Variants in CACUL1 observed in about 807,000 individuals in gnomAD.
CACUL1 encodes the protein CDK2-associated and cullin domain-containing protein 1.
CACUL1 carries 13 observed loss-of-function variants against 45.2 expected under a neutral mutation model. That is an observed-to-expected ratio of 0.29 (90% CI 0.19 to 0.46). The LOEUF is 0.46. Among genes scored for constraint, CACUL1 ranks in the 20% least tolerant of loss-of-function variants. The pLI, the probability that CACUL1 is intolerant of heterozygous loss-of-function variation, is 1.00. For synonymous variants in CACUL1, 197 were observed against 174.2 expected, an observed-to-expected ratio of 1.13 and a Z score of -1.03; for missense variants, 421 against 471.4, an observed-to-expected ratio of 0.89 and a Z score of 0.99.
At position 118,754,860 on chromosome 10, in the gene CACUL1, G is replaced by A. The variant is rs1371147637; in HGVS notation, c.-98C>T. ...GCTGCCTCCCCGAGTTACATCGCCG[G>A]CGGCAGGAATGGGCGCAGCGGAGAG... On this transcript the variant is annotated 5_prime_UTR_variant, in exon 1 of 9. Coordinates refer to ENST00000369151, the MANE Select transcript of CACUL1 (RefSeq NM_153810.5). 1 of 1,464,308 alleles carries A rather than the reference G, an allele frequency of 6.8e-7. No individual in the cohort carries two copies. The highest frequency in any genetic ancestry group is 2.5e-5 in the East Asian group (1 of 39,530). 90.7% of individuals were successfully genotyped at this position (1,464,308 alleles called of 1,614,324 possible). A position where few individuals can be genotyped will look rare whatever the true frequency, so the allele number is the denominator to read the frequency against.
intron 4 of CACUL1, among the ~76,000 whole-genome samples, chr10:118,705,056 A>C (rs1313840072): frequency 6.6e-6 from 1 of 152,258 alleles, no homozygotes; most frequent in Non-Finnish European, 1.5e-5. Flanking sequence ...GAATTCTGAT[A>C]GTTGAAATTC....
rs147531011 is a variant in CACUL1 at position 118,729,693 on chromosome 10, TA to T, written c.495-297del. Reference sequence around the variant, plus strand: ...AAGGTCTGAATATGATAACTATTTATAAACCAGGTTCTCTCTCTCTTTTTAA... The same window carrying T: ...AAGGTCTGAATATGATAACTATTTATAACCAGGTTCTCTCTCTCTTTTTAA... On this transcript the variant is annotated intron_variant, in intron 2 of 8. Transcript: ENST00000369151. 5.8e-3 allele frequency among the ~76,000 whole-genome samples: 880 copies of T among 152,326 alleles called. 11 individuals carry two copies. Among genetic ancestry groups the T allele is most frequent in the African/African-American group, 0.019 (793 of 41,562 alleles).
At chr10:118,727,381 G>C (rs895076345) in intron 3 of CACUL1, among the ~76,000 whole-genome samples, 11 of 136,854 alleles carry the variant, frequency 8.0e-5, no homozygotes, top group African/African-American at 3.1e-4. Flanking sequence ...GAGACAGAGC[G>C]AGACCCCCAT....
rs1845204595 is a variant in CACUL1, at chr10:118,686,248, C to G, written c.1070-80G>C. 3 of 1,174,668 alleles carry G rather than the reference C, an allele frequency of 2.6e-6. No individual in the cohort carries two copies. In the East Asian group the frequency reaches 7.0e-5, roughly 27 times the overall value. 72.8% of individuals were successfully genotyped at this position (1,174,668 alleles called of 1,614,324 possible). On this transcript the variant is annotated intron_variant, in intron 8 of 8. Transcript: ENST00000369151. ...AGCAGGAATCTGTTTATTCAACACA[C>G]ATTTCTCACTCCTCTCCCAACTCCC... is the stretch of plus-strand genomic sequence containing the variant.
intron 1 of CACUL1, among the ~76,000 whole-genome samples, chr10:118,747,434 T>C (rs1468721745): frequency 6.6e-6 from 1 of 151,856 alleles, no homozygotes; most frequent in African/African-American, 2.4e-5. Context: ...CACCAAACCT[T>C]GTACATGGTT....
At chr10:118,693,831 CACAG>C (rs1407343632) in intron 6 of CACUL1, 4 of 436,498 alleles carry the variant, frequency 9.2e-6, no homozygotes, top group African/African-American at 2.1e-5. Context: ...TGTTAAAAGT[CACAG>C]AAAGTAAAGC....
chr10:118,729,782 C>T (rs369660916), intron 2 of CACUL1, among the ~76,000 whole-genome samples: 66 of 152,282 alleles, frequency 4.3e-4, no homozygotes, highest in African/African-American at 1.3e-3. Flanking sequence ...TTCTAACTCA[C>T]GGAAGTGTTT....
chr10:118,719,252 G>T (rs1845578579), intron 3 of CACUL1, among the ~76,000 whole-genome samples: 1 of 152,070 alleles, frequency 6.6e-6, no homozygotes, highest in African/African-American at 2.4e-5. Context: ...TACAACGTTG[G>T]CATTTTTGTA....
At chr10:118,705,364 C>G (rs1845423399) in intron 4 of CACUL1, among the ~76,000 whole-genome samples, 1 of 152,122 alleles carries the variant, frequency 6.6e-6, no homozygotes, top group Non-Finnish European at 1.5e-5. Context: ...AACTGTTTAA[C>G]TCCCAAAATA....
chr10:118,739,390 T>TA lies in CACUL1; in HGVS notation c.368-8981dup, dbSNP rs570484093. On this transcript the variant is annotated intron_variant, in intron 1 of 8. Transcript: ENST00000369151. ...GGAGAGAAATATTAACACATTAATA[T>TA]AAAAAAAAGAACTAAGAAATTTTCT... Among the ~76,000 whole-genome samples the TA allele has an allele frequency of 4.1e-3, 616 of 151,738 alleles. 7 individuals carry two copies. The highest frequency in any genetic ancestry group is 0.014 in the African/African-American group (595 of 41,376).
At chr10:118,712,865 C>A (rs1302296525) in intron 3 of CACUL1, among the ~76,000 whole-genome samples, 1 of 152,202 alleles carries the variant, frequency 6.6e-6, no homozygotes, top group Non-Finnish European at 1.5e-5. Flanking sequence ...CAGCCACAGG[C>A]AAGCTGGAAA....
intron 1 of CACUL1, among the ~76,000 whole-genome samples, chr10:118,748,099 GAGAC>G (rs1845861866): frequency 1.3e-5 from 2 of 152,138 alleles, no homozygotes; most frequent in Admixed American, 6.5e-5. Context: ...AAAAAAGAGA[GAGAC>G]AGAGAAACAT....
intron 1 of CACUL1, among the ~76,000 whole-genome samples, chr10:118,736,944 A>G (rs990970488): frequency 6.6e-6 from 1 of 152,194 alleles, no homozygotes; most frequent in Non-Finnish European, 1.5e-5. Flanking sequence ...CCTAAAAGCA[A>G]TAGGCTATAT....
chr10:118,739,076 T>G (rs1845767701), intron 1 of CACUL1, among the ~76,000 whole-genome samples: 1 of 151,348 alleles, frequency 6.6e-6, no homozygotes. Flanking sequence ...GGCACCTGTA[T>G]TCCCAGCTAC....
intron 1 of CACUL1, among the ~76,000 whole-genome samples, chr10:118,731,618 C>T (rs549252287): frequency 1.3e-5 from 2 of 152,186 alleles, no homozygotes; most frequent in South Asian, 4.2e-4. Flanking sequence ...TTCTAAGAGT[C>T]CCATTTACAT....
chr10:118,688,799 C>T (rs751784822), intron 7 of CACUL1, among the ~76,000 whole-genome samples: 12 of 152,130 alleles, frequency 7.9e-5, no homozygotes, highest in Non-Finnish European at 1.6e-4. Context: ...GTGTTAATTC[C>T]AGCCTACCCT....
At chr10:118,730,665 A>C (rs1845690137) in intron 1 of CACUL1, among the ~76,000 whole-genome samples, 1 of 152,262 alleles carries the variant, frequency 6.6e-6, no homozygotes, top group East Asian at 1.9e-4. Flanking sequence ...CAAACAAGCA[A>C]TCATCACTGG....
At chr10:118,746,804 G>A (rs1845847141) in intron 1 of CACUL1, among the ~76,000 whole-genome samples, 1 of 152,172 alleles carries the variant, frequency 6.6e-6, no homozygotes, top group Non-Finnish European at 1.5e-5. Context: ...AAAATTATAA[G>A]GCAAGCAAAT....
intron 1 of CACUL1, among the ~76,000 whole-genome samples, chr10:118,746,649 G>A (rs1845845995): frequency 6.6e-6 from 1 of 151,662 alleles, no homozygotes. Flanking sequence ...ACACCGTTAA[G>A]AAAAAAAAGA....
Sources: allele counts gnomAD v4.1 joint callset (sites outside exome capture counted in the v4.1 genomes callset), GRCh38; gene constraint gnomAD v4.1.1; transcripts MANE v1.5; gene names NCBI Gene and HGNC (gene_info 2026-07-23, HGNC 2026-07-21).